MICAL2: variants seen among roughly 807,000 people sequenced by gnomAD.
MICAL2 encodes the protein microtubule associated monooxygenase, calponin and LIM domain containing 2.
In MICAL2, 77 loss-of-function variants were observed where a neutral mutation model predicts 127.3. The observed-to-expected ratio is 0.60, with a 90% confidence interval of 0.50 to 0.73. MICAL2 has a LOEUF of 0.73. MICAL2 is among the 30% of genes least tolerant of loss of function. The pLI is 0.00. For synonymous variants in MICAL2, 570 were observed against 551.1 expected, an observed-to-expected ratio of 1.03 and a Z score of -0.48; for missense variants, 1,351 against 1,434.4, an observed-to-expected ratio of 0.94 and a Z score of 0.94.
intron 21 of MICAL2, among the ~76,000 whole-genome samples, chr11:12,247,535 C>T (rs139869754): frequency 2.6e-5 from 4 of 152,292 alleles, no homozygotes; most frequent in Admixed American, 6.5e-5. Context: ...TACCTACACT[C>T]GCAGGTTCAT....
intron 1 of MICAL2, among the ~76,000 whole-genome samples, chr11:12,277,054 G>A (rs1863728920): frequency 6.6e-6 from 1 of 151,948 alleles, no homozygotes; most frequent in African/African-American, 2.4e-5. Flanking sequence ...CACCACGATT[G>A]TGTAAAAAAG....
At chr11:12,351,099 T>C in intron 33 of MICAL2, among the ~76,000 whole-genome samples, 1 of 152,214 alleles carries the variant, frequency 6.6e-6, no homozygotes, top group East Asian at 1.9e-4. Flanking sequence ...CAGAATGTTC[T>C]TATCTTAAGA....
intron 32 of MICAL2, among the ~76,000 whole-genome samples, chr11:12,335,940 CT>C (rs1180173825): frequency 6.6e-6 from 1 of 152,122 alleles, no homozygotes; most frequent in Non-Finnish European, 1.5e-5. Flanking sequence ...AATGCGGGCT[CT>C]TTTTTGGTTC....
intron 1 of MICAL2, among the ~76,000 whole-genome samples, chr11:12,123,855 C>T (rs753748781): frequency 6.6e-6 from 1 of 152,042 alleles, no homozygotes; most frequent in Non-Finnish European, 1.5e-5. Context: ...TTGTTCAGAT[C>T]TTTTTATACA....
At chr11:12,314,513 C>T (rs968141756) in intron 29 of MICAL2, among the ~76,000 whole-genome samples, 1 of 151,730 alleles carries the variant, frequency 6.6e-6, no homozygotes, top group Non-Finnish European at 1.5e-5. Flanking sequence ...GAGTCTCGCT[C>T]TGTCACCCAG....
At chr11:12,175,955 T>A (rs1394577417) in intron 3 of MICAL2, among the ~76,000 whole-genome samples, 1 of 152,036 alleles carries the variant, frequency 6.6e-6, no homozygotes, top group East Asian at 1.9e-4. Context: ...TTACTCTGCA[T>A]GAGATGCAAA....
At chr11:12,163,108 C>T (rs144984626) in intron 3 of MICAL2, among the ~76,000 whole-genome samples, 64 of 152,268 alleles carry the variant, frequency 4.2e-4, no homozygotes, top group African/African-American at 1.5e-3. Context: ...CCTAGGACCA[C>T]ACTCATAGTT....
At chr11:12,254,753 T>C (rs924731551) in intron 22 of MICAL2, 1 of 152,162 alleles carries the variant, frequency 6.6e-6, no homozygotes, top group African/African-American at 2.4e-5. Flanking sequence ...ATCTGTGCAA[T>C]GAGAGGCTCA....
chr11:12,338,762 T>C (rs1192320022), intron 32 of MICAL2, among the ~76,000 whole-genome samples: 1 of 152,228 alleles, frequency 6.6e-6, no homozygotes, highest in Admixed American at 6.5e-5. Flanking sequence ...TTCTTTTCTT[T>C]AAGAATGTTG....
At chr11:12,294,548 C>G (rs1189408263), downstream of MICAL2, 6 of 1,614,224 alleles carry the variant, frequency 3.7e-6, no homozygotes, top group Non-Finnish European at 5.1e-6. Context: ...TGTCCCCACA[C>G]TCCTCGAGAA....
intron 22 of MICAL2, chr11:12,255,413 T>A: frequency 1.9e-6 from 1 of 535,154 alleles, no homozygotes; most frequent in Non-Finnish European, 3.4e-6. Context: ...ATAAGTGGAA[T>A]CCTAGAGTAC....
At chr11:12,250,612 T>C (rs1861412589) in intron 22 of MICAL2, among the ~76,000 whole-genome samples, 1 of 152,200 alleles carries the variant, frequency 6.6e-6, no homozygotes, top group South Asian at 2.1e-4. Flanking sequence ...GAAAAATAAT[T>C]AGAATTCAAA....
At chr11:12,347,881 C>A (rs150633065) in intron 32 of MICAL2, among the ~76,000 whole-genome samples, 1 of 152,030 alleles carries the variant, frequency 6.6e-6, no homozygotes, top group Non-Finnish European at 1.5e-5. Context: ...AGGCCAGGCA[C>A]GGTGGCTCAC....
intron 29 of MICAL2, among the ~76,000 whole-genome samples, chr11:12,314,303 TCTTTTA>T (rs1184167979): frequency 4.6e-5 from 7 of 152,082 alleles, no homozygotes; most frequent in African/African-American, 1.7e-4. Flanking sequence ...TTCAATTTCT[TCTTTTA>T]CTTATTATTT....
rs949596821 is a variant in MICAL2, at chr11:12,236,998, A to G, written c.2064+753A>G. ...TATAATACATTGATATCTGATTGATAGGAGGTAGAAGGGACTTTTTCTACT... is the reference window on the plus strand; with the variant it reads ...TATAATACATTGATATCTGATTGATGGGAGGTAGAAGGGACTTTTTCTACT... On this transcript the variant is annotated intron_variant, in intron 16 of 27. Coordinates refer to ENST00000683283, the MANE Select transcript of MICAL2 (RefSeq NM_001282663.2). Among the ~76,000 whole-genome samples the G allele has an allele frequency of 3.3e-5, 5 of 152,328 alleles. No homozygotes were observed. The East Asian group carries it at 5.8e-4, about 18-fold the overall frequency.
chr11:12,189,229 TC>T (rs1858741185), intron 3 of MICAL2, among the ~76,000 whole-genome samples: 1 of 152,208 alleles, frequency 6.6e-6, no homozygotes, highest in African/African-American at 2.4e-5. Flanking sequence ...TCCTTCCAGG[TC>T]CTTGCCTCTA....
At chr11:12,166,970 G>A (rs895705044) in intron 3 of MICAL2, among the ~76,000 whole-genome samples, 2 of 152,156 alleles carry the variant, frequency 1.3e-5, no homozygotes, top group Non-Finnish European at 2.9e-5. Context: ...GGGAAAGGGT[G>A]AAAGCCGGAG....
chr11:12,293,835 G>T (rs935240734), downstream of MICAL2: 3 of 1,606,002 alleles, frequency 1.9e-6, no homozygotes, highest in Admixed American at 1.7e-5. Flanking sequence ...CACCCCATCT[G>T]GGGGAAGGAC....
At chr11:12,327,217 T>G (rs1287523947) in exon 32 of MICAL2, 9 of 1,551,564 alleles carry the variant, frequency 5.8e-6, no homozygotes, top group Non-Finnish European at 7.8e-6. Flanking sequence ...GGCAGAGGGC[T>G]TCTGAGATCC....
Sources: allele counts gnomAD v4.1 joint callset (sites outside exome capture counted in the v4.1 genomes callset), GRCh38; gene constraint gnomAD v4.1.1; transcripts MANE v1.5; gene names NCBI Gene and HGNC (gene_info 2026-07-23, HGNC 2026-07-21).